Variants in STARD13 observed in about 807,000 individuals in gnomAD.
STARD13 encodes stAR-related lipid transfer protein 13.
Under a neutral mutation model 106.4 loss-of-function variants are expected in STARD13, and 62 were observed. The ratio of observed to expected loss-of-function variants is 0.58; its 90% confidence interval spans 0.48 to 0.72. The LOEUF is 0.72. STARD13 is among the 30% of genes least tolerant of loss of function. The pLI, the probability that STARD13 is intolerant of heterozygous loss-of-function variation, is 0.00. For synonymous variants in STARD13, 565 were observed against 553.0 expected (o/e 1.02, Z -0.31); for missense variants, 1,387 against 1,424.0 (o/e 0.97, Z 0.42).
intron 1 of STARD13, among the ~76,000 whole-genome samples, chr13:33,249,277 T>A (rs9527281): frequency 6.6e-6 from 1 of 152,056 alleles, no homozygotes; most frequent in South Asian, 2.1e-4. Context: ...ACACACTAAC[T>A]CACGATGACT....
chr13:33,250,612 T>A (rs1236597004), intron 1 of STARD13, among the ~76,000 whole-genome samples: 1 of 152,202 alleles, frequency 6.6e-6, no homozygotes, highest in African/African-American at 2.4e-5. Flanking sequence ...CCCTATGAAG[T>A]CATGTGGTCC....
chr13:33,227,960 T>C (rs1372941000), intron 1 of STARD13, among the ~76,000 whole-genome samples: 1 of 152,096 alleles, frequency 6.6e-6, no homozygotes, highest in Non-Finnish European at 1.5e-5. Context: ...ATGAACATAA[T>C]GATAGATTGA....
intron 1 of STARD13, among the ~76,000 whole-genome samples, chr13:33,256,759 T>C (rs1890384989): frequency 6.6e-6 from 1 of 152,218 alleles, no homozygotes; most frequent in Non-Finnish European, 1.5e-5. Flanking sequence ...AAATGTTGAC[T>C]CATTGCTGCT....
Position 33,118,225 on chromosome 13 carries a change from G to T in STARD13, c.2121C>A (p.Ile707=). ...TTTCATTCATTTGGCGAAGGGCATG[G>T]ATTCGAGACTTCACTCCTGATTTGC... ...LFRKSGVKSR[I]HALRQMNENF... The change falls in exon 8 of 14, where the codon ATC becomes ATA. Residue 707 remains isoleucine (I), a synonymous_variant. Transcript: ENST00000336934. 6.2e-7 allele frequency: 1 copy of T among 1,614,206 alleles called. No homozygotes were observed. The highest frequency in any genetic ancestry group is 2.2e-5 in the East Asian group (1 of 44,884).
the STARD13 span, among the ~76,000 whole-genome samples, chr13:33,596,432 T>C: frequency 1.3e-5 from 2 of 152,204 alleles, no homozygotes; most frequent in East Asian, 1.9e-4. Flanking sequence ...TAGTGATTCA[T>C]AATGATTATA....
intron 1 of STARD13, among the ~76,000 whole-genome samples, chr13:33,259,814 C>T (rs1241724286): frequency 6.6e-6 from 1 of 151,998 alleles, no homozygotes; most frequent in African/African-American, 2.4e-5. Flanking sequence ...TATGGTTTGG[C>T]TGTATCCCTA....
At chr13:33,373,197 G>A in the STARD13 span, among the ~76,000 whole-genome samples, 14 of 152,140 alleles carry the variant, frequency 9.2e-5, no homozygotes, top group African/African-American at 3.4e-4. Flanking sequence ...TAAGGACAAT[G>A]ATGGGGCATT....
chr13:33,332,625 C>T (rs906081222), intron 1 of STARD13, among the ~76,000 whole-genome samples: 10 of 152,152 alleles, frequency 6.6e-5, no homozygotes, highest in Non-Finnish European at 4.4e-5. Flanking sequence ...AATACGTCTG[C>T]GGTTTAAGCC....
the STARD13 span, among the ~76,000 whole-genome samples, chr13:33,525,329 G>A: frequency 2.6e-5 from 4 of 151,974 alleles, no homozygotes; most frequent in Non-Finnish European, 5.9e-5. Context: ...GCCTCCAAAT[G>A]TGTTTTTAAA....
the STARD13 span, among the ~76,000 whole-genome samples, chr13:33,650,776 C>A: frequency 6.6e-6 from 1 of 152,222 alleles, no homozygotes; most frequent in Non-Finnish European, 1.5e-5. Context: ...CACAAGGGCT[C>A]TGCCCCTGTG....
chr13:33,403,016 G>T, the STARD13 span, among the ~76,000 whole-genome samples: 1 of 152,230 alleles, frequency 6.6e-6, no homozygotes, highest in African/African-American at 2.4e-5. Context: ...TTGCAAAAAG[G>T]CAGAGGGTCC....
intron 11 of STARD13, among the ~76,000 whole-genome samples, chr13:33,110,409 G>A (rs1363588561): frequency 6.6e-6 from 1 of 152,170 alleles, no homozygotes; most frequent in Non-Finnish European, 1.5e-5. Flanking sequence ...TTTTGCAAAT[G>A]GGAAAACTGA....
the STARD13 span, among the ~76,000 whole-genome samples, chr13:33,539,997 G>T: frequency 1.3e-5 from 2 of 152,030 alleles, no homozygotes; most frequent in African/African-American, 4.8e-5. Flanking sequence ...TTTTAAAATG[G>T]GCAAAAGTTT....
chr13:33,526,541 CAT>C, the STARD13 span, among the ~76,000 whole-genome samples: 1 of 152,132 alleles, frequency 6.6e-6, no homozygotes, highest in Non-Finnish European at 1.5e-5. Flanking sequence ...TTGTAGCCAC[CAT>C]ACCAAGAGAG....
At chr13:33,470,294 G>A in the STARD13 span, among the ~76,000 whole-genome samples, 7 of 152,076 alleles carry the variant, frequency 4.6e-5, no homozygotes, top group Admixed American at 4.6e-4. Context: ...TATCCAATAT[G>A]TGCCACATTT....
chr13:33,497,504 G>A, the STARD13 span, among the ~76,000 whole-genome samples: 1 of 152,096 alleles, frequency 6.6e-6, no homozygotes, highest in Non-Finnish European at 1.5e-5. Flanking sequence ...GGTAGTATGA[G>A]CCTTTAGTTC....
intron 1 of STARD13, among the ~76,000 whole-genome samples, chr13:33,322,672 G>A (rs1893604713): frequency 6.6e-6 from 1 of 152,214 alleles, no homozygotes. Context: ...ATAGGATCTG[G>A]AAAGCATTCT....
chr13:33,242,869 G>A (rs1566094003), intron 1 of STARD13, among the ~76,000 whole-genome samples: 1 of 152,148 alleles, frequency 6.6e-6, no homozygotes. Flanking sequence ...AGGCTTAGCT[G>A]GTGTGTCTTT....
At chr13:33,328,249 G>A (rs1480190182) in intron 1 of STARD13, among the ~76,000 whole-genome samples, 1 of 152,216 alleles carries the variant, frequency 6.6e-6, no homozygotes, top group East Asian at 1.9e-4. Context: ...ATGTTCAGAG[G>A]TTTGAGGGCT....
Sources: allele counts gnomAD v4.1 joint callset (sites outside exome capture counted in the v4.1 genomes callset), GRCh38; gene constraint gnomAD v4.1.1; transcripts MANE v1.5; gene names NCBI Gene and HGNC (gene_info 2026-07-23, HGNC 2026-07-21).